Variants in RFX3 observed in about 807,000 individuals in gnomAD.
RFX3 encodes transcription factor RFX3.
RFX3 carries 14 observed loss-of-function variants against 98.6 expected under a neutral mutation model. That is an observed-to-expected ratio of 0.14 (90% CI 0.09 to 0.22). The LOEUF is 0.22. RFX3 is among the 10% of genes least tolerant of loss of function. The pLI is 1.00. For missense variants in RFX3, 639 were observed against 926.9 expected (o/e 0.69, Z 4.03); for synonymous variants, 383 against 328.4 (o/e 1.17, Z -1.80).
chr9:3,518,750 A>G (rs1211975484), intron 1 of RFX3, among the ~76,000 whole-genome samples: 1 of 152,212 alleles, frequency 6.6e-6, no homozygotes, highest in Non-Finnish European at 1.5e-5. Context: ...AGGAAGCCAC[A>G]GGTGATATAT....
intron 4 of RFX3, among the ~76,000 whole-genome samples, chr9:3,306,753 T>C (rs1829371880): frequency 6.6e-6 from 1 of 150,890 alleles, no homozygotes; most frequent in South Asian, 2.1e-4. Context: ...AGTATAATAA[T>C]AATTAAAAAA....
At chr9:3,255,486 G>A (rs979421251) in intron 14 of RFX3, among the ~76,000 whole-genome samples, 1 of 152,240 alleles carries the variant, frequency 6.6e-6, no homozygotes, top group African/African-American at 2.4e-5. Flanking sequence ...TGGCTGCACA[G>A]AATCTACAGT....
At chr9:3,457,565 TTTA>T (rs1278938234) in intron 1 of RFX3, among the ~76,000 whole-genome samples, 4 of 152,186 alleles carry the variant, frequency 2.6e-5, no homozygotes, top group Admixed American at 2.0e-4. Flanking sequence ...AGTTTGTTCT[TTTA>T]TTATTATTTT....
intron 1 of RFX3, among the ~76,000 whole-genome samples, chr9:3,424,374 T>C (rs866618555): frequency 0.081 from 9,598 of 118,974 alleles, 108 homozygotes; most frequent in Non-Finnish European, 0.092. Flanking sequence ...TTTTTTTTTT[T>C]TTTTTGAGAC....
At chr9:3,260,217 T>C (rs980049484) in intron 13 of RFX3, among the ~76,000 whole-genome samples, 1 of 152,060 alleles carries the variant, frequency 6.6e-6, no homozygotes, top group African/African-American at 2.4e-5. Flanking sequence ...GGAGGGCAGA[T>C]GCCGAATCAT....
chr9:3,434,870 T>A (rs1176033860), intron 1 of RFX3, among the ~76,000 whole-genome samples: 1 of 152,060 alleles, frequency 6.6e-6, no homozygotes, highest in African/African-American at 2.4e-5. Context: ...TACACAAACC[T>A]AGATGGTACA....
intron 1 of RFX3, among the ~76,000 whole-genome samples, chr9:3,460,864 T>G (rs2133053487): frequency 6.6e-6 from 1 of 152,054 alleles, no homozygotes; most frequent in Non-Finnish European, 1.5e-5. Context: ...ACCAATTTCC[T>G]AACAACATAT....
At chr9:3,301,491 G>T in intron 5 of RFX3, 55 bp downstream of exon 5, 1 of 1,213,984 alleles carries the variant, frequency 8.2e-7, no homozygotes, top group Non-Finnish European at 1.2e-6. Context: ...TTAGAGGCAA[G>T]CAACACATGC....
intron 2 of RFX3, chr9:3,394,697 GTC>G (rs960145566): frequency 1.1e-5 from 4 of 351,818 alleles, no homozygotes; most frequent in Middle Eastern, 1.3e-3. Context: ...TTGCTAAAGA[GTC>G]TCTTTAATAC....
At chr9:3,335,445 ACT>A (rs1397826410) in intron 3 of RFX3, among the ~76,000 whole-genome samples, 1 of 152,162 alleles carries the variant, frequency 6.6e-6, no homozygotes, top group African/African-American at 2.4e-5. Context: ...CATATGAGTT[ACT>A]GCTTGCACAC....
intron 1 of RFX3, among the ~76,000 whole-genome samples, chr9:3,441,712 T>C (rs1347864677): frequency 6.6e-6 from 1 of 152,146 alleles, no homozygotes; most frequent in African/African-American, 2.4e-5. Context: ...TGATAAATGA[T>C]TGGAGAAATA....
intron 1 of RFX3, among the ~76,000 whole-genome samples, chr9:3,513,010 G>C (rs1817794637): frequency 6.6e-6 from 1 of 151,904 alleles, no homozygotes; most frequent in Non-Finnish European, 1.5e-5. Context: ...ATGCAATTTT[G>C]TATCTAATAA....
At chr9:3,270,730 T>C in intron 10 of RFX3, 1 of 669,350 alleles carries the variant, frequency 1.5e-6, no homozygotes, top group Non-Finnish European at 2.5e-6. Context: ...TGCACATTTG[T>C]ATTTTCTGAC....
At chr9:3,449,312 T>C (rs1315407144) in intron 1 of RFX3, among the ~76,000 whole-genome samples, 1 of 152,186 alleles carries the variant, frequency 6.6e-6, no homozygotes, top group African/African-American at 2.4e-5. Context: ...GCTCCATCCC[T>C]CTTGAGGATT....
intron 13 of RFX3, among the ~76,000 whole-genome samples, chr9:3,259,447 G>A (rs898003973): frequency 2.6e-5 from 4 of 151,490 alleles, no homozygotes; most frequent in South Asian, 4.2e-4. Flanking sequence ...TGAAACGAAT[G>A]TAGATATTTC....
chr9:3,320,438 G>T (rs2130724301), intron 4 of RFX3, among the ~76,000 whole-genome samples: 1 of 151,946 alleles, frequency 6.6e-6, no homozygotes, highest in Admixed American at 6.6e-5. Flanking sequence ...CCTGTACTCA[G>T]CTACTTGGGA....
chr9:3,327,715 T>C (rs1388633906), intron 4 of RFX3, among the ~76,000 whole-genome samples: 1 of 152,182 alleles, frequency 6.6e-6, no homozygotes, highest in East Asian at 1.9e-4. Flanking sequence ...ACTGATATTA[T>C]AAATTGGTGT....
rs1363693179 is a variant in RFX3 at position 3,222,251 on chromosome 9, T to C, written c.*2791A>G. 1 of 152,156 alleles carries C rather than the reference T, an allele frequency of 6.6e-6. No individual in the cohort carries two copies. The highest frequency in any genetic ancestry group is 2.4e-5 in the African/African-American group (1 of 41,456). 9.4% of individuals were successfully genotyped at this position (152,156 alleles called of 1,614,324 possible). On this transcript the variant is annotated 3_prime_UTR_variant, in exon 17 of 17. Transcript: ENST00000617270. The stretch of plus-strand genomic sequence containing the variant: ...CTTTTTATGTTTTGATCCAAACTAC[T>C]TACACTAATCACAAAGAATATTCCT...
intron 4 of RFX3, among the ~76,000 whole-genome samples, chr9:3,311,176 C>G (rs546629040): frequency 5.3e-5 from 8 of 152,160 alleles, no homozygotes; most frequent in Admixed American, 2.0e-4. Flanking sequence ...TTTAGAGAAA[C>G]TTAATGAAGA....
Sources: allele counts gnomAD v4.1 joint callset (sites outside exome capture counted in the v4.1 genomes callset), GRCh38; gene constraint gnomAD v4.1.1; transcripts MANE v1.5; gene names NCBI Gene and HGNC (gene_info 2026-07-23, HGNC 2026-07-21).